Variants in SPHKAP observed in about 807,000 individuals in gnomAD.
SPHKAP encodes the protein SPHK1 interactor, AKAP domain containing.
In SPHKAP, 67 loss-of-function variants were observed where a neutral mutation model predicts 137.5. The observed-to-expected ratio is 0.49, with a 90% confidence interval of 0.40 to 0.60. The LOEUF (loss-of-function observed/expected upper bound fraction) is 0.60. Ranked by LOEUF, SPHKAP falls within the 20% of genes least tolerant of loss-of-function variation. The pLI is 0.00. For missense variants in SPHKAP, 2,097 were observed against 2,069.3 expected, an observed-to-expected ratio of 1.01 and a Z score of -0.26; for synonymous variants, 813 against 785.3, an observed-to-expected ratio of 1.04 and a Z score of -0.59.
At chr2:228,139,913 T>A (rs556978467) in intron 1 of SPHKAP, among the ~76,000 whole-genome samples, 4 of 120,192 alleles carry the variant, frequency 3.3e-5, no homozygotes, top group Non-Finnish European at 8.0e-5. Flanking sequence ...TTATTTATTT[T>A]CTTTCTTTCT....
intron 7 of SPHKAP, among the ~76,000 whole-genome samples, chr2:228,005,639 T>C (rs1156999006): frequency 1.3e-5 from 2 of 152,244 alleles, no homozygotes; most frequent in Non-Finnish European, 2.9e-5. Context: ...AGTTTATTCC[T>C]AGCATTGATG....
chr2:228,135,062 G>T (rs962936635), intron 1 of SPHKAP, among the ~76,000 whole-genome samples: 2 of 152,056 alleles, frequency 1.3e-5, no homozygotes, highest in African/African-American at 4.8e-5. Flanking sequence ...ATCACCTGAG[G>T]TCGGGAGTTC....
At chr2:228,158,790 C>A (rs1183353451) in intron 1 of SPHKAP, among the ~76,000 whole-genome samples, 1 of 152,166 alleles carries the variant, frequency 6.6e-6, no homozygotes, top group Non-Finnish European at 1.5e-5. Flanking sequence ...TCAGTCTGCT[C>A]TGCCTTTCCC....
rs757247635 is a variant in SPHKAP at position 228,018,195 on chromosome 2, A to G, written c.2659T>C (p.Tyr887His). ...ESIHPNTQEK[Y>H]NCATSRINEV... ...TTGATGCGAGATGTGGCACAGTTGT[A>G]CTTTTCTTGGGTGTTTGGGTGGATA... The change falls in exon 7 of 12, where the codon TAC becomes CAC. Residue 887 changes from tyrosine (Y) to histidine (H), a missense_variant. Coordinates refer to ENST00000392056, the MANE Select transcript of SPHKAP (RefSeq NM_001142644.2). 1.9e-6 allele frequency: 3 copies of G among 1,613,970 alleles called. No homozygotes were observed. The highest frequency in any genetic ancestry group is 2.7e-5 in the African/African-American group (2 of 74,888).
chr2:228,041,059 G>A (rs751933060), intron 3 of SPHKAP, among the ~76,000 whole-genome samples: 27 of 151,988 alleles, frequency 1.8e-4, no homozygotes, highest in Non-Finnish European at 5.9e-5. Flanking sequence ...AAAATAAAGC[G>A]GTAATAGAAA....
chr2:227,984,064 G>T (rs1450040734), intron 11 of SPHKAP, among the ~76,000 whole-genome samples: 1 of 152,096 alleles, frequency 6.6e-6, no homozygotes, highest in Non-Finnish European at 1.5e-5. Context: ...ACTTTGGGAG[G>T]CTGAGGCAGG....
At chr2:228,117,443 T>C (rs1698748147) in intron 2 of SPHKAP, among the ~76,000 whole-genome samples, 1 of 152,112 alleles carries the variant, frequency 6.6e-6, no homozygotes, top group Non-Finnish European at 1.5e-5. Flanking sequence ...TTCTAGGCTC[T>C]TTCTAGGGCA....
intron 1 of SPHKAP, among the ~76,000 whole-genome samples, chr2:228,152,267 T>A (rs1426859657): frequency 6.6e-6 from 1 of 152,192 alleles, no homozygotes; most frequent in East Asian, 1.9e-4. Flanking sequence ...AGTTTTTGAA[T>A]AATTTCTTCT....
At chr2:228,155,312 AAAT>A (rs1435666131) in intron 1 of SPHKAP, among the ~76,000 whole-genome samples, 2 of 152,322 alleles carry the variant, frequency 1.3e-5, no homozygotes, top group Non-Finnish European at 2.9e-5. Flanking sequence ...TTGAGTAATA[AAAT>A]AATTGAAATG....
At chr2:228,123,439 T>C (rs1401937518) in intron 2 of SPHKAP, among the ~76,000 whole-genome samples, 1 of 152,222 alleles carries the variant, frequency 6.6e-6, no homozygotes, top group East Asian at 1.9e-4. Flanking sequence ...GTGTCTTCCT[T>C]CTATAGAGAT....
intron 7 of SPHKAP, among the ~76,000 whole-genome samples, chr2:228,005,697 CT>C (rs1694102468): frequency 6.6e-6 from 1 of 152,138 alleles, no homozygotes. Flanking sequence ...CCAGTTGTTC[CT>C]TTCCATGTTT....
chr2:228,002,324 T>A (rs1693939973), intron 7 of SPHKAP, among the ~76,000 whole-genome samples: 1 of 152,232 alleles, frequency 6.6e-6, no homozygotes, highest in Non-Finnish European at 1.5e-5. Flanking sequence ...TGGCCAGTGA[T>A]GATAAGCATT....
intron 8 of SPHKAP, 40 bp from the exon 9 acceptor site, chr2:227,993,660 C>A: frequency 6.7e-7 from 1 of 1,500,458 alleles, no homozygotes; most frequent in South Asian, 1.2e-5. Context: ...CCCGTCTCCA[C>A]CCTCTAACAT....
intron 7 of SPHKAP, among the ~76,000 whole-genome samples, chr2:228,012,863 T>C (rs190033430): frequency 4.7e-4 from 72 of 152,348 alleles, no homozygotes; most frequent in African/African-American, 1.7e-3. Context: ...TCTCAACTTA[T>C]CAAGAAGTCC....
intron 1 of SPHKAP, among the ~76,000 whole-genome samples, chr2:228,137,680 GA>G (rs912077846): frequency 1.5e-4 from 23 of 150,772 alleles, no homozygotes; most frequent in African/African-American, 5.1e-4. Context: ...CCCAACACTA[GA>G]AAAAAAAATT....
chr2:228,010,469 T>C (rs551794199), intron 7 of SPHKAP, among the ~76,000 whole-genome samples: 127 of 152,222 alleles, frequency 8.3e-4, no homozygotes, highest in African/African-American at 3.0e-3. Context: ...GAGGCAGAGA[T>C]TGCAGTGAGC....
intron 3 of SPHKAP, among the ~76,000 whole-genome samples, chr2:228,093,928 C>T (rs1266791741): frequency 2.0e-5 from 3 of 148,552 alleles, no homozygotes; most frequent in Non-Finnish European, 4.4e-5. Flanking sequence ...GTTGCCTAGG[C>T]CTAAGGAGGA....
At chr2:228,066,003 C>A (rs755699263) in intron 3 of SPHKAP, among the ~76,000 whole-genome samples, 1 of 152,130 alleles carries the variant, frequency 6.6e-6, no homozygotes, top group Non-Finnish European at 1.5e-5. Context: ...AGCTAAGGAG[C>A]AGTGGGATGA....
chr2:228,118,883 A>C lies in SPHKAP; in HGVS notation c.139-9944T>G, dbSNP rs542132605. Among the ~76,000 whole-genome samples, 18 of 152,340 alleles carry C rather than the reference A, an allele frequency of 1.2e-4. No homozygotes were observed. The South Asian group carries it at 1.9e-3, about 16-fold the overall frequency. Reference sequence around the variant, plus strand: ...ACAAAACAAGAATAACAACAACAAAAAAACCATTTTCCTTTTCATTCTGTT... The same window carrying C: ...ACAAAACAAGAATAACAACAACAAACAAACCATTTTCCTTTTCATTCTGTT... On this transcript the variant is annotated intron_variant, in intron 2 of 11. Coordinates refer to ENST00000392056, the MANE Select transcript of SPHKAP (RefSeq NM_001142644.2).
Sources: allele counts gnomAD v4.1 joint callset (sites outside exome capture counted in the v4.1 genomes callset), GRCh38; gene constraint gnomAD v4.1.1; transcripts MANE v1.5; gene names NCBI Gene and HGNC (gene_info 2026-07-23, HGNC 2026-07-21).